Variants in PCDHGA4 observed in about 807,000 individuals in gnomAD.
The protein encoded by PCDHGA4 is protocadherin gamma subfamily A, 4.
PCDHGA4 carries 38 observed loss-of-function variants against 54.6 expected under a neutral mutation model. That is an observed-to-expected ratio of 0.70 (90% CI 0.54 to 0.91). The LOEUF (loss-of-function observed/expected upper bound fraction) is 0.91. Among genes scored for constraint, PCDHGA4 ranks in the 40% least tolerant of loss-of-function variants. The pLI, the probability that PCDHGA4 is intolerant of heterozygous loss-of-function variation, is 0.00. For missense variants in PCDHGA4, 1,298 were observed against 1,220.9 expected, an observed-to-expected ratio of 1.06 and a Z score of -0.94; for synonymous variants, 511 against 512.9, an observed-to-expected ratio of 1.00 and a Z score of 0.05.
chr5:141,374,535 G>C (rs752542327), intron 1 of PCDHGA4: 2 of 1,613,092 alleles, frequency 1.2e-6, no homozygotes, highest in African/African-American at 1.3e-5. Context: ...CCATCCTCTC[G>C]TTTTCCACTA....
rs766593056 is a variant in PCDHGA4, at chr5:141,372,812, G to T, written c.2514+15191G>T. On this transcript the variant is annotated intron_variant, in intron 1 of 3. Coordinates refer to ENST00000571252, the MANE Select transcript of PCDHGA4 (RefSeq NM_018917.4). ...CTAATTCAGGCAATTTGCAAAAGGT[G>T]AGTTTCTTCAAACCTTTCCTTCCAT... 67 of 1,584,432 alleles carry T rather than the reference G, an allele frequency of 4.2e-5. No homozygotes were observed. In the Middle Eastern group the frequency reaches 6.7e-4, roughly 16 times the overall value.
chr5:141,491,168 A>G lies in PCDHGA4; in HGVS notation c.2515-3639A>G. On this transcript the variant is annotated intron_variant, in intron 1 of 3. Coordinates refer to ENST00000571252, the MANE Select transcript of PCDHGA4 (RefSeq NM_018917.4). The surrounding 1 kb of genome is among the most constrained non-coding windows in gnomAD (Gnocchi z 6.9). Reference sequence around the variant, plus strand: ...CTGGAGGATGACTCTGACACCCAGCAGGTGGTGGTCCTGGTGAGGGACAAT... The same window carrying G: ...CTGGAGGATGACTCTGACACCCAGCGGGTGGTGGTCCTGGTGAGGGACAAT... 2 of 1,614,160 alleles carry G rather than the reference A, an allele frequency of 1.2e-6. No homozygotes were observed.
chr5:141,427,429 G>A (rs2097025761), intron 1 of PCDHGA4: 1 of 471,078 alleles, frequency 2.1e-6, no homozygotes, highest in African/African-American at 2.0e-5. Flanking sequence ...GAGGTTACAT[G>A]CCTCATAAAC....
rs746949700 is a variant in PCDHGA4, at chr5:141,361,054, T to G, written c.2514+3433T>G. On this transcript the variant is annotated intron_variant, in intron 1 of 3. Transcript: ENST00000571252. Reference sequence around the variant, plus strand: ...AGGAGAAATCACGACAAAGGATGATTTGGATTTTGAGATTGCAAGTAGTTA... The same window carrying G: ...AGGAGAAATCACGACAAAGGATGATGTGGATTTTGAGATTGCAAGTAGTTA... The G allele has an allele frequency of 3.7e-6, 6 of 1,613,700 alleles. No individual in the cohort carries two copies. In the African/African-American group the frequency reaches 6.7e-5, roughly 18 times the overall value.
chr5:141,388,907 C>T (rs1321583045), intron 1 of PCDHGA4: 5 of 1,613,786 alleles, frequency 3.1e-6, no homozygotes, highest in African/African-American at 1.3e-5. Context: ...AAAATGACAA[C>T]GCCCCAGAAG....
chr5:141,388,992 C>T (rs1310959225), intron 1 of PCDHGA4: 3 of 1,613,834 alleles, frequency 1.9e-6, no homozygotes, highest in African/African-American at 1.3e-5. Flanking sequence ...GCTCAAAGTC[C>T]GTGACAAGGA....
chr5:141,361,356 C>T lies in PCDHGA4; in HGVS notation c.2514+3735C>T, dbSNP rs546446580. The T allele has an allele frequency of 7.4e-6, 12 of 1,613,984 alleles. 1 individual carries two copies. In the Middle Eastern group the frequency reaches 5.0e-4, roughly 67 times the overall value. On this transcript the variant is annotated intron_variant, in intron 1 of 3. Coordinates refer to ENST00000571252, the MANE Select transcript of PCDHGA4 (RefSeq NM_018917.4). ...AGAACTATTACAAACTAGTGACAGA[C>T]GGCGCTCTGGACCGGGAGGAGATCC...
chr5:141,494,434 T>A (rs976526647), intron 1 of PCDHGA4, among the ~76,000 whole-genome samples: 2 of 152,166 alleles, frequency 1.3e-5, no homozygotes, highest in Middle Eastern at 3.2e-3. Flanking sequence ...AAAAGCCTCC[T>A]TTGCCACTTT....
At chr5:141,416,947 T>G (rs1436457377) in intron 1 of PCDHGA4, 1 of 152,184 alleles carries the variant, frequency 6.6e-6, no homozygotes, top group Non-Finnish European at 1.5e-5. Flanking sequence ...CCATTGAAAC[T>G]ATTATTTTAT....
chr5:141,486,105 A>C lies in PCDHGA4; in HGVS notation c.2515-8702A>C. The stretch of plus-strand genomic sequence containing the variant: ...ACTCTTTTGGGGCCCCTAGACTTTG[A>C]GAGTGAGAATTACTATGAATTTGAT... On this transcript the variant is annotated intron_variant, in intron 1 of 3. Transcript: ENST00000571252. This position sits in a 1 kb window ranked among gnomAD's most constrained non-coding sequence, Gnocchi z 5.0. The C allele has an allele frequency of 1.2e-6, 2 of 1,614,138 alleles. No individual in the cohort carries two copies. The highest frequency in any genetic ancestry group is 1.7e-6 in the Non-Finnish European group (2 of 1,180,016).
intron 1 of PCDHGA4, chr5:141,370,971 G>C: frequency 1.2e-6 from 2 of 1,614,016 alleles, no homozygotes; most frequent in Non-Finnish European, 1.7e-6. Flanking sequence ...TAGGTACCCA[G>C]AGCTAGTACT....
At chr5:141,507,858 AC>A (rs2099864314) in intron 3 of PCDHGA4, among the ~76,000 whole-genome samples, 1 of 151,748 alleles carries the variant, frequency 6.6e-6, no homozygotes, top group African/African-American at 2.4e-5. Flanking sequence ...TCACTTTCAC[AC>A]CCGCTTCCTA....
intron 1 of PCDHGA4, chr5:141,418,608 G>A (rs1265400499): frequency 6.2e-7 from 1 of 1,614,040 alleles, no homozygotes; most frequent in Admixed American, 1.7e-5. Flanking sequence ...TACAGGGTTA[G>A]CCTTCGGGAA....
rs147403131 is a variant in PCDHGA4, at chr5:141,368,659, C to A, written c.2514+11038C>A. 4.1e-3 allele frequency among the ~76,000 whole-genome samples: 617 copies of A among 152,246 alleles called. 6 individuals are homozygous for A. The highest frequency in any genetic ancestry group is 0.011 in the Admixed American group (171 of 15,302). On this transcript the variant is annotated intron_variant, in intron 1 of 3. Coordinates refer to ENST00000571252, the MANE Select transcript of PCDHGA4 (RefSeq NM_018917.4). ...AATGTTTTGTGCAATGGAAAAATATCTTTAAACCCTCTATAAACTACTAAC... is the reference window on the plus strand; with the variant it reads ...AATGTTTTGTGCAATGGAAAAATATATTTAAACCCTCTATAAACTACTAAC...
intron 1 of PCDHGA4, chr5:141,412,735 T>A (rs2095573578): frequency 6.5e-6 from 1 of 153,492 alleles, no homozygotes; most frequent in African/African-American, 2.4e-5. Context: ...GTGTTGCAAA[T>A]ATATATTTAA....
chr5:141,364,491 T>G, intron 1 of PCDHGA4: 1 of 1,614,022 alleles, frequency 6.2e-7, no homozygotes. Context: ...GACCTTGGGC[T>G]GGAGCCCCAG....
intron 1 of PCDHGA4, chr5:141,362,068 G>T (rs62621761): frequency 1.9e-6 from 3 of 1,612,342 alleles, no homozygotes; most frequent in African/African-American, 1.3e-5. Flanking sequence ...CCTGCTGGTC[G>T]CTGTGCGTGA....
chr5:141,358,922 G>T (rs531004724), intron 1 of PCDHGA4, among the ~76,000 whole-genome samples: 2 of 152,248 alleles, frequency 1.3e-5, no homozygotes, highest in South Asian at 4.1e-4. Flanking sequence ...TGTGTGTAGG[G>T]GATATACAAC....
At chr5:141,382,671 T>C in intron 1 of PCDHGA4, 1 of 434,850 alleles carries the variant, frequency 2.3e-6, no homozygotes, top group Non-Finnish European at 4.0e-6. Context: ...GCGCCGCTGT[T>C]CACCAACCAG....
Sources: gnomAD v4.1 joint callset for allele counts (sites outside exome capture counted in the v4.1 genomes callset) on GRCh38, gnomAD v4.1.1 for gene constraint, Gnocchi (gnomAD v3.1) non-coding constraint, MANE v1.5 for transcripts, NCBI Gene and HGNC (gene_info 2026-07-23, HGNC 2026-07-21) for gene names.